PRKAR1B: variants seen among roughly 807,000 people sequenced by gnomAD.
PRKAR1B encodes protein kinase cAMP-dependent type I regulatory subunit beta.
PRKAR1B carries 22 observed loss-of-function variants against 46.5 expected under a neutral mutation model. That is an observed-to-expected ratio of 0.47 (90% confidence interval 0.34 to 0.68). PRKAR1B has a LOEUF of 0.68. Among genes scored for constraint, PRKAR1B ranks in the 30% least tolerant of loss-of-function variants. The pLI is 0.01. For synonymous variants in PRKAR1B, 259 were observed against 217.7 expected, an observed-to-expected ratio of 1.19 and a Z score of -1.67; for missense variants, 445 against 535.6, an observed-to-expected ratio of 0.83 and a Z score of 1.67.
intron 4 of PRKAR1B, among the ~76,000 whole-genome samples, chr7:631,720 G>A (rs187664206): frequency 2.8e-4 from 43 of 152,242 alleles, no homozygotes; most frequent in African/African-American, 1.0e-3. Context: ...TTGGGAGTCC[G>A]AGGAGAGGTT....
intron 4 of PRKAR1B, among the ~76,000 whole-genome samples, chr7:653,341 A>G (rs1411642997): frequency 6.6e-6 from 1 of 152,204 alleles, no homozygotes; most frequent in Non-Finnish European, 1.5e-5. Context: ...TTGCAGCAGC[A>G]GCCTCTTCCC....
chr7:611,930 G>A (rs1427897539), intron 4 of PRKAR1B, among the ~76,000 whole-genome samples: 2 of 150,980 alleles, frequency 1.3e-5, no homozygotes, highest in Non-Finnish European at 3.0e-5. Context: ...TGGATGGATG[G>A]ATGGACAGGT....
rs147663925 is a variant in PRKAR1B, at chr7:554,956, G to C, written c.892-3486C>G. Among the ~76,000 whole-genome samples the C allele has an allele frequency of 0.016, 2,385 of 152,324 alleles. 95 individuals carry two copies. In the East Asian group the frequency reaches 0.18, roughly 11 times the overall value. On this transcript the variant is annotated intron_variant, in intron 9 of 10. Coordinates refer to ENST00000537384, the MANE Select transcript of PRKAR1B (RefSeq NM_001164760.2). ...CTTCCTGCTCTGGGACCTCGGGGAG[G>C]TGCAAGGTCCTCAATCAGGTCCCTC...
intron 9 of PRKAR1B, among the ~76,000 whole-genome samples, chr7:556,070 A>G (rs1160185477): frequency 6.6e-6 from 1 of 152,072 alleles, no homozygotes; most frequent in African/African-American, 2.4e-5. Flanking sequence ...GGCCAGCACG[A>G]ATTTTGCTTC....
At chr7:727,565 T>G, upstream of PRKAR1B, 1 of 230,232 alleles carries the variant, frequency 4.3e-6, no homozygotes, top group Non-Finnish European at 8.1e-6. Context: ...CTTCAGCTGC[T>G]CCCTTGTCCT....
At chr7:575,553 G>GTTTTGGT (rs1779771427) in intron 9 of PRKAR1B, among the ~76,000 whole-genome samples, 1 of 152,066 alleles carries the variant, frequency 6.6e-6, no homozygotes, top group Non-Finnish European at 1.5e-5. Flanking sequence ...TTTGGTTTTG[G>GTTTTGGT]TTTTGGTTTT....
chr7:623,340 G>A (rs1054888330), intron 4 of PRKAR1B, among the ~76,000 whole-genome samples: 5 of 152,168 alleles, frequency 3.3e-5, no homozygotes, highest in Non-Finnish European at 7.3e-5. Context: ...ACAAACATGT[G>A]GTAACAACAA....
intron 1 of PRKAR1B, among the ~76,000 whole-genome samples, chr7:718,863 C>CTTTTTTTTTGTTTTTT (rs1780975074): frequency 1.4e-5 from 1 of 73,846 alleles, no homozygotes; most frequent in African/African-American, 5.5e-5. Flanking sequence ...CTTTTATAGG[C>CTTTTTTTTTGTTTTTT]TTTTTTTTTT....
intron 5 of PRKAR1B, among the ~76,000 whole-genome samples, chr7:606,752 A>G (rs533681808): frequency 9.6e-4 from 140 of 145,976 alleles, no homozygotes; most frequent in Non-Finnish European, 1.7e-3. Context: ...CCGGCCTCAC[A>G]ATGAGAATTT....
Position 552,474 on chromosome 7 carries a change from G to A in PRKAR1B, c.892-1004C>T, listed in dbSNP as rs199514055. On this transcript the variant is annotated intron_variant, in intron 9 of 10. Coordinates refer to ENST00000537384, the MANE Select transcript of PRKAR1B (RefSeq NM_001164760.2). The stretch of plus-strand genomic sequence containing the variant: ...CCCGCAGAGCCACTGCCATCACCAC[G>A]TCACCACCCAAACCCCCACCTCCCA... 6.9e-4 allele frequency among the ~76,000 whole-genome samples: 82 copies of A among 119,374 alleles called. 3 individuals carry two copies. The East Asian group carries it at 0.01, about 15-fold the overall frequency. 78.3% of individuals were successfully genotyped at this position (119,374 alleles called of 152,430 possible). A position where few individuals can be genotyped will look rare whatever the true frequency, so the allele number is the denominator to read the frequency against.
intron 4 of PRKAR1B, among the ~76,000 whole-genome samples, chr7:662,244 A>C (rs368235136): frequency 4.6e-3 from 50 of 10,924 alleles, no homozygotes; most frequent in Admixed American, 8.3e-3. Flanking sequence ...ACTCTCCCCC[A>C]CATGGCACAG....
intron 9 of PRKAR1B, among the ~76,000 whole-genome samples, chr7:575,061 C>G (rs1035998110): frequency 1.3e-5 from 2 of 152,234 alleles, no homozygotes; most frequent in Admixed American, 1.3e-4. Flanking sequence ...AGAAGCCATT[C>G]CTGAAGTCAG....
At chr7:578,632 C>A (rs1010450463) in intron 9 of PRKAR1B, among the ~76,000 whole-genome samples, 20 of 152,198 alleles carry the variant, frequency 1.3e-4, no homozygotes, top group African/African-American at 4.8e-4. Context: ...CTCAGCTCTA[C>A]CCACCCTCGC....
In PRKAR1B at chr7:585,498, G is replaced by A. The variant is rs756058831; in HGVS notation, c.709-930C>T. ...GGTATCATCCACTGACAGAGGCCACGCGTTCGAGTAGGGTGTACGCCGGGA... is the reference window on the plus strand; with the variant it reads ...GGTATCATCCACTGACAGAGGCCACACGTTCGAGTAGGGTGTACGCCGGGA... On this transcript the variant is annotated intron_variant, in intron 7 of 10. Transcript: ENST00000537384. 1.2e-4 allele frequency among the ~76,000 whole-genome samples: 19 copies of A among 152,300 alleles called. No individual in the cohort carries two copies. In the East Asian group the frequency reaches 1.7e-3, roughly 14 times the overall value.
intron 4 of PRKAR1B, among the ~76,000 whole-genome samples, chr7:612,005 G>A (rs532114989): frequency 1.5e-4 from 23 of 152,024 alleles, no homozygotes; most frequent in African/African-American, 5.3e-4. Flanking sequence ...ACAGATGGAT[G>A]GACGGACAGG....
chr7:702,850 A>T (rs1165911190), intron 2 of PRKAR1B, among the ~76,000 whole-genome samples: 1 of 151,752 alleles, frequency 6.6e-6, no homozygotes, highest in Admixed American at 6.6e-5. Context: ...AAATAAATAC[A>T]TAAATAAATA....
intron 4 of PRKAR1B, among the ~76,000 whole-genome samples, chr7:657,840 G>T (rs146107893): frequency 3.5e-4 from 54 of 152,226 alleles, no homozygotes; most frequent in African/African-American, 1.2e-3. Context: ...ATAATTGTCT[G>T]GGCTCAGGGG....
chr7:650,389 G>A (rs539728814), intron 4 of PRKAR1B, among the ~76,000 whole-genome samples: 1 of 148,444 alleles, frequency 6.7e-6, no homozygotes, highest in South Asian at 2.1e-4. Flanking sequence ...CTCCCTCCCT[G>A]CTCACTCCAC....
At chr7:583,955 G>A (rs1042233305) in intron 8 of PRKAR1B, among the ~76,000 whole-genome samples, 13 of 152,206 alleles carry the variant, frequency 8.5e-5, no homozygotes, top group Non-Finnish European at 1.8e-4. Context: ...TTTCCTGCCA[G>A]GCCGTTAAGC....
Sources: allele counts gnomAD v4.1 joint callset (sites outside exome capture counted in the v4.1 genomes callset), GRCh38; gene constraint gnomAD v4.1.1; transcripts MANE v1.5; gene names NCBI Gene and HGNC (gene_info 2026-07-23, HGNC 2026-07-21).